The following R3HDM1 variants were observed in gnomAD, a reference collection of about 807,000 sequenced individuals.
The protein encoded by R3HDM1 is R3H domain containing 1.
In R3HDM1, 46 loss-of-function variants were observed where a neutral mutation model predicts 141.1. That is an observed-to-expected ratio of 0.33 (90% CI 0.26 to 0.42). R3HDM1 has a LOEUF of 0.42. R3HDM1 is among the 10% of genes least tolerant of loss of function. R3HDM1 has a pLI of 1.00. For missense variants in R3HDM1, 1,184 were observed against 1,368.3 expected (o/e 0.87, Z 2.12); for synonymous variants, 435 against 472.9 (o/e 0.92, Z 1.04).
Position 135,710,221 on chromosome 2 carries a change from A to G in R3HDM1, c.2726A>G (p.Asn909Ser), listed in dbSNP as rs148125749. 2.1e-4 allele frequency: 336 copies of G among 1,612,788 alleles called. No homozygotes were observed. The highest frequency in any genetic ancestry group is 2.6e-4 in the Non-Finnish European group (308 of 1,179,402). ...QKCVEFSSVD[N>S]IVQHSPQLSS... ...TGTGTAGAATTTAGCAGTGTAGACA[A>G]TATTGTCCAGGTAAGATGGTTTTGT... Residue 909 changes from asparagine (N) to serine (S), a missense_variant, in exon 23 of 27, where the codon AAT becomes AGT. By Grantham distance (46) the Asn-to-Ser change is conservative. This residue lies in a region of R3HDM1 where 563 missense variants were observed against 562.0 expected (regional missense o/e 1.00). Coordinates refer to ENST00000683871, the MANE Select transcript of R3HDM1 (RefSeq NM_001378107.1).
chr2:135,573,385 A>G (rs1429362423), intron 1 of R3HDM1, among the ~76,000 whole-genome samples: 1 of 152,188 alleles, frequency 6.6e-6, no homozygotes, highest in African/African-American at 2.4e-5. Context: ...CTGGCATGTG[A>G]TCTCTTCATA....
chr2:135,621,654 G>T, intron 6 of R3HDM1, 46 bp downstream of exon 6: 1 of 1,470,724 alleles, frequency 6.8e-7, no homozygotes, highest in Non-Finnish European at 9.1e-7. Context: ...TTTGCTATCA[G>T]TAATTCCATC....
Position 135,695,164 on chromosome 2 carries a change from C to G in R3HDM1, c.2460-14269C>G, listed in dbSNP as rs971021429. Among the ~76,000 whole-genome samples the G allele has an allele frequency of 4.6e-5, 7 of 152,148 alleles. No homozygotes were observed. In the East Asian group the frequency reaches 1.3e-3, roughly 29 times the overall value. ...ATTTCCAGACAAGTTAACTATGGTC[C>G]AGAACAAAGCTCAAAAATACTGTTA... On this transcript the variant is annotated intron_variant, in intron 21 of 26. Coordinates refer to ENST00000683871, the MANE Select transcript of R3HDM1 (RefSeq NM_001378107.1).
chr2:135,723,752 G>T (rs2076925331), intron 26 of R3HDM1, among the ~76,000 whole-genome samples, 185 bp from the exon 27 acceptor site: 1 of 133,446 alleles, frequency 7.5e-6, no homozygotes, highest in South Asian at 2.5e-4. Context: ...ACTCCAGCCT[G>T]GGAGACAGAG....
chr2:135,722,519 A>G lies in R3HDM1; in HGVS notation c.3015A>G (p.Lys1005=), dbSNP rs1283605941. Residue 1005 remains lysine, a synonymous_variant, in exon 26 of 27, where the codon AAA becomes AAG. Transcript: ENST00000683871. ...HGNRGRRQAK[K]AASTDLGAGE... The stretch of plus-strand genomic sequence containing the variant: ...ACCGAGGAAGGAGACAAGCTAAAAA[A>G]GCTGCATCCACAGACCTTGGAGCAG... The G allele has an allele frequency of 1.2e-6, 2 of 1,613,766 alleles. No homozygotes were observed. Among genetic ancestry groups the G allele is most frequent in the Non-Finnish European group, 1.7e-6 (2 of 1,179,996 alleles).
intron 1 of R3HDM1, among the ~76,000 whole-genome samples, chr2:135,599,783 G>A (rs533539722): frequency 1.3e-3 from 198 of 152,084 alleles, no homozygotes; most frequent in South Asian, 4.2e-3. Flanking sequence ...CTGTAATCCC[G>A]GCACTTTGGG....
intron 19 of R3HDM1, among the ~76,000 whole-genome samples, chr2:135,671,868 C>T (rs962456438): frequency 1.3e-5 from 2 of 151,888 alleles, no homozygotes; most frequent in East Asian, 2.0e-4. Flanking sequence ...TCCAGCTACT[C>T]GGCAGGCTGA....
intron 1 of R3HDM1, among the ~76,000 whole-genome samples, chr2:135,549,336 C>T (rs1699363789): frequency 6.6e-6 from 1 of 151,772 alleles, no homozygotes; most frequent in Admixed American, 6.6e-5. Flanking sequence ...AGGTGGATCA[C>T]CTGAAGTCAG....
chr2:135,680,372 A>G, intron 21 of R3HDM1, 48 bp downstream of exon 21: 2 of 1,595,428 alleles, frequency 1.3e-6, no homozygotes, highest in Admixed American at 1.7e-5. Flanking sequence ...ATTGTTTACC[A>G]GGATTATGGT....
At chr2:135,640,443 G>A (rs778339336) in intron 14 of R3HDM1, among the ~76,000 whole-genome samples, 1 of 152,184 alleles carries the variant, frequency 6.6e-6, no homozygotes, top group Non-Finnish European at 1.5e-5. Context: ...AGAAAATTAT[G>A]TAGACACACT....
At chr2:135,624,481 T>C (rs2061813713) in intron 7 of R3HDM1, among the ~76,000 whole-genome samples, 1 of 151,342 alleles carries the variant, frequency 6.6e-6, no homozygotes, top group African/African-American at 2.4e-5. Context: ...CAGCAAGGGA[T>C]AATACCAACA....
intron 23 of R3HDM1, among the ~76,000 whole-genome samples, chr2:135,713,079 G>T (rs2105446964): frequency 6.6e-6 from 1 of 152,222 alleles, no homozygotes; most frequent in South Asian, 2.1e-4. Context: ...GTATACACCT[G>T]TAGCGCTAGT....
intron 1 of R3HDM1, among the ~76,000 whole-genome samples, chr2:135,545,256 A>G (rs922849531): frequency 2.6e-5 from 4 of 152,240 alleles, no homozygotes; most frequent in African/African-American, 9.6e-5. Context: ...TGTACTGCCT[A>G]TATAAAGCAG....
chr2:135,572,118 C>G, intron 1 of R3HDM1, among the ~76,000 whole-genome samples: 1 of 152,086 alleles, frequency 6.6e-6, no homozygotes, highest in East Asian at 1.9e-4. Flanking sequence ...CCACCACGCC[C>G]AGCTAATTTT....
chr2:135,600,271 T>C (rs1166830158), intron 1 of R3HDM1, among the ~76,000 whole-genome samples: 1 of 152,092 alleles, frequency 6.6e-6, no homozygotes, highest in Non-Finnish European at 1.5e-5. Flanking sequence ...TAATATTCAA[T>C]TAGAAGCCTT....
chr2:135,666,441 T>C (rs577376350), intron 19 of R3HDM1, among the ~76,000 whole-genome samples: 1 of 152,304 alleles, frequency 6.6e-6, no homozygotes, highest in South Asian at 2.1e-4. Flanking sequence ...TTTCTTAGTA[T>C]GTATTGTGTG....
intron 11 of R3HDM1, among the ~76,000 whole-genome samples, chr2:135,636,434 G>A (rs1438381823): frequency 6.6e-6 from 1 of 152,138 alleles, no homozygotes; most frequent in Non-Finnish European, 1.5e-5. Flanking sequence ...TTAAAAGAAT[G>A]TTCTCCAGTC....
At chr2:135,593,683 G>A (rs1480167511) in intron 1 of R3HDM1, among the ~76,000 whole-genome samples, 1 of 151,920 alleles carries the variant, frequency 6.6e-6, no homozygotes, top group African/African-American at 2.4e-5. Context: ...TTAGTCTTCA[G>A]GGTACCATAT....
At chr2:135,568,222 ATT>A (rs1464016689) in intron 1 of R3HDM1, among the ~76,000 whole-genome samples, 1 of 150,446 alleles carries the variant, frequency 6.6e-6, no homozygotes. Context: ...ATGTCCACTA[ATT>A]TTTTGTAGAT....
Sources: allele counts gnomAD v4.1 joint callset (sites outside exome capture counted in the v4.1 genomes callset), GRCh38; gene constraint gnomAD v4.1.1; regional missense constraint gnomAD v4.1.1; transcripts MANE v1.5; gene names NCBI Gene and HGNC (gene_info 2026-07-23, HGNC 2026-07-21).